Variants in CSRNP3 observed in about 807,000 individuals in gnomAD.
The protein encoded by CSRNP3 is cysteine/serine-rich nuclear protein 3.
CSRNP3 carries 12 observed loss-of-function variants against 48.0 expected under a neutral mutation model. The observed-to-expected ratio is 0.25, with a 90% confidence interval of 0.16 to 0.41. CSRNP3 has a LOEUF of 0.41. Among genes scored for constraint, CSRNP3 ranks in the 10% least tolerant of loss-of-function variants. The pLI, the probability that CSRNP3 is intolerant of heterozygous loss-of-function variation, is 1.00. For synonymous variants in CSRNP3, 263 were observed against 269.7 expected, an observed-to-expected ratio of 0.98 and a Z score of 0.24; for missense variants, 580 against 724.4, an observed-to-expected ratio of 0.80 and a Z score of 2.29.
At chr2:165,530,954 A>G (rs1684802152) in intron 3 of CSRNP3, among the ~76,000 whole-genome samples, 1 of 152,074 alleles carries the variant, frequency 6.6e-6, no homozygotes, top group South Asian at 2.1e-4. Context: ...TAGAACACCT[A>G]AAATAACTCC....
Position 165,483,504 on chromosome 2 carries a change from C to A in CSRNP3, c.-282-11255C>A, listed in dbSNP as rs527268719. Among the ~76,000 whole-genome samples the A allele has an allele frequency of 2.0e-5, 3 of 152,260 alleles. No homozygotes were observed. The South Asian group carries it at 6.2e-4, about 32-fold the overall frequency. ...TAAATGCTAATAATCTCCTTATATT[C>A]TTTTAAGTCTCTAGGTTTGTATAAA... On this transcript the variant is annotated intron_variant, in intron 1 of 6. Transcript: ENST00000651982.
In CSRNP3 at chr2:165,657,933, C is replaced by T; in HGVS notation, c.321C>T (p.Gly107=). 6.2e-7 allele frequency: 1 copy of T among 1,613,954 alleles called. No individual in the cohort carries two copies. The highest frequency in any genetic ancestry group is 8.5e-7 in the Non-Finnish European group (1 of 1,179,996). Residue 107 remains glycine (G), a synonymous_variant, in exon 5 of 7, where the codon GGC becomes GGT. Coordinates refer to ENST00000651982, the MANE Select transcript of CSRNP3 (RefSeq NM_001172173.2). ...RHNSVRQYTL[G]EFAREQERLH... Reference sequence around the variant, plus strand: ...ACAGCGTGCGCCAGTACACTCTTGGCGAGTTTGCAAGGGAGCAGGAGAGGC... The same window carrying T: ...ACAGCGTGCGCCAGTACACTCTTGGTGAGTTTGCAAGGGAGCAGGAGAGGC...
At chr2:165,512,626 A>G (rs1297793223) in intron 2 of CSRNP3, among the ~76,000 whole-genome samples, 1 of 152,242 alleles carries the variant, frequency 6.6e-6, no homozygotes, top group Non-Finnish European at 1.5e-5. Context: ...CTTATATTTC[A>G]ACATATGTGA....
rs574934290 is a variant in CSRNP3 at position 165,543,133 on chromosome 2, T to G, written c.-24+25172T>G. Among the ~76,000 whole-genome samples, 10 of 152,266 alleles carry G rather than the reference T, an allele frequency of 6.6e-5. No individual in the cohort carries two copies. In the South Asian group the frequency reaches 2.1e-3, roughly 32 times the overall value. On this transcript the variant is annotated intron_variant, in intron 3 of 6. Coordinates refer to ENST00000651982, the MANE Select transcript of CSRNP3 (RefSeq NM_001172173.2). ...ATTGACTCACACTTAATTTGAGGCC[T>G]TGGGATTTTCTTCTACTTTACTAGA...
chr2:165,644,573 G>C (rs1291740847), intron 4 of CSRNP3, among the ~76,000 whole-genome samples: 2 of 152,060 alleles, frequency 1.3e-5, no homozygotes, highest in African/African-American at 4.8e-5. Flanking sequence ...TGCAACCCAA[G>C]GCCTGAGTAG....
intron 3 of CSRNP3, among the ~76,000 whole-genome samples, chr2:165,537,704 T>C (rs1684899318): frequency 6.6e-6 from 1 of 151,880 alleles, no homozygotes; most frequent in Non-Finnish European, 1.5e-5. Flanking sequence ...TTCTTTTCTG[T>C]AACTGTGTCC....
At chr2:165,606,233 A>G (rs1001033758) in intron 4 of CSRNP3, among the ~76,000 whole-genome samples, 7 of 151,880 alleles carry the variant, frequency 4.6e-5, no homozygotes, top group Admixed American at 6.6e-5. Context: ...AACTGAATAT[A>G]TAACCAAATA....
At position 165,657,750 on chromosome 2, in the gene CSRNP3, T is replaced by G; in HGVS notation, c.149-11T>G. The G allele has an allele frequency of 6.2e-7, 1 of 1,611,724 alleles. No individual in the cohort carries two copies. Among genetic ancestry groups the G allele is most frequent in the Non-Finnish European group, 8.5e-7 (1 of 1,177,966 alleles). On this transcript the variant is annotated splice_polypyrimidine_tract_variant and intron_variant, in intron 4 of 6. Coordinates refer to ENST00000651982, the MANE Select transcript of CSRNP3 (RefSeq NM_001172173.2). ...CCCAAGTGTTCACAGGATTGTTTCT[T>G]TCTCTTTCAGCTTCCTCCATTCTCA...
At chr2:165,621,795 C>A (rs1686344192) in intron 4 of CSRNP3, among the ~76,000 whole-genome samples, 2 of 152,154 alleles carry the variant, frequency 1.3e-5, no homozygotes, top group Admixed American at 1.3e-4. Context: ...CATGCTTTAT[C>A]TTCCTTTCTC....
chr2:165,580,086 G>A (rs1172017784), intron 3 of CSRNP3, among the ~76,000 whole-genome samples: 4 of 151,710 alleles, frequency 2.6e-5, no homozygotes, highest in Admixed American at 6.6e-5. Context: ...CTGCCACCAC[G>A]CCTGGCTAAT....
intron 2 of CSRNP3, among the ~76,000 whole-genome samples, chr2:165,505,511 A>G (rs1026056865): frequency 3.9e-5 from 6 of 152,180 alleles, no homozygotes; most frequent in Non-Finnish European, 7.4e-5. Context: ...CTCATATTCT[A>G]TAGCTGCAGA....
chr2:165,679,246 C>G lies in CSRNP3; in HGVS notation c.1251C>G (p.Ala417=), dbSNP rs149031589. ...PSVLCYSDGT[A]VHESHAKNAS... ...TTCTTTGTTATTCTGATGGCACCGC[C>G]GTTCACGAAAGCCATGCAAAGAATG... Residue 417 remains alanine (A), a synonymous_variant, in exon 7 of 7, where the codon GCC becomes GCG. Coordinates refer to ENST00000651982, the MANE Select transcript of CSRNP3 (RefSeq NM_001172173.2). The G allele has an allele frequency of 3.1e-6, 5 of 1,613,894 alleles. No homozygotes were observed. Among genetic ancestry groups the G allele is most frequent in the South Asian group, 1.1e-5 (1 of 91,064 alleles).
At chr2:165,529,347 C>T (rs1046423041) in intron 3 of CSRNP3, among the ~76,000 whole-genome samples, 2 of 152,072 alleles carry the variant, frequency 1.3e-5, no homozygotes, top group African/African-American at 2.4e-5. Flanking sequence ...GCAGGTCTTT[C>T]CTGTGCTGTT....
chr2:165,679,935 C>A lies in CSRNP3; in HGVS notation c.*182C>A. 1 of 790,512 alleles carries A rather than the reference C, an allele frequency of 1.3e-6. No individual in the cohort carries two copies. The highest frequency in any genetic ancestry group is 2.6e-5 in the East Asian group (1 of 38,668). 49.0% of individuals were successfully genotyped at this position (790,512 alleles called of 1,614,324 possible). On this transcript the variant is annotated 3_prime_UTR_variant, in exon 7 of 7. Coordinates refer to ENST00000651982, the MANE Select transcript of CSRNP3 (RefSeq NM_001172173.2). ...GACTGTGGCATTGCACAAATACAGTCTCTGTAGGGATTTTAAAAGATTTCA... is the reference window on the plus strand; with the variant it reads ...GACTGTGGCATTGCACAAATACAGTATCTGTAGGGATTTTAAAAGATTTCA...
intron 3 of CSRNP3, among the ~76,000 whole-genome samples, chr2:165,573,845 T>TA (rs113207311): frequency 0.019 from 2,932 of 151,400 alleles, 104 homozygotes; most frequent in African/African-American, 0.067. Flanking sequence ...TATTTGAATT[T>TA]AAAAAAAAAG....
intron 4 of CSRNP3, among the ~76,000 whole-genome samples, chr2:165,638,908 A>G (rs989022193): frequency 1.3e-5 from 2 of 152,216 alleles, no homozygotes; most frequent in Non-Finnish European, 2.9e-5. Flanking sequence ...GACTTAGTAA[A>G]TACAGAGCCG....
At chr2:165,522,943 T>A (rs1432681128) in intron 3 of CSRNP3, among the ~76,000 whole-genome samples, 1 of 152,116 alleles carries the variant, frequency 6.6e-6, no homozygotes, top group Non-Finnish European at 1.5e-5. Flanking sequence ...AGCCCCTCAA[T>A]AGCATTCACT....
At chr2:165,615,531 A>C (rs1322767892) in intron 4 of CSRNP3, among the ~76,000 whole-genome samples, 1 of 140,292 alleles carries the variant, frequency 7.1e-6, no homozygotes, top group African/African-American at 2.6e-5. Context: ...TGACAGAGCA[A>C]GACTCCATCT....
intron 3 of CSRNP3, among the ~76,000 whole-genome samples, chr2:165,534,166 A>G (rs1413273927): frequency 1.3e-5 from 2 of 152,062 alleles, no homozygotes; most frequent in Non-Finnish European, 2.9e-5. Flanking sequence ...GATGTATTCC[A>G]TTAAGACAAG....
Sources: gnomAD v4.1 joint callset for allele counts (sites outside exome capture counted in the v4.1 genomes callset) on GRCh38, gnomAD v4.1.1 for gene constraint, MANE v1.5 for transcripts, NCBI Gene and HGNC (gene_info 2026-07-23, HGNC 2026-07-21) for gene names.